The following CDH12 variants were observed in gnomAD, a reference collection of about 807,000 sequenced individuals.
The protein encoded by CDH12 is cadherin 12, also known as cadherin-12.
A neutral mutation model predicts 74.1 loss-of-function variants in CDH12; 41 were observed. That is an observed-to-expected ratio of 0.55 (90% confidence interval 0.43 to 0.72). CDH12 has a LOEUF of 0.72. Among genes scored for constraint, CDH12 ranks in the 30% least tolerant of loss-of-function variants. CDH12 has a pLI of 0.00. For synonymous variants in CDH12, 399 were observed against 355.0 expected, an observed-to-expected ratio of 1.12 and a Z score of -1.39; for missense variants, 945 against 977.2, an observed-to-expected ratio of 0.97 and a Z score of 0.44.
intron 4 of CDH12, among the ~76,000 whole-genome samples, chr5:22,186,040 T>C (rs943536057): frequency 9.9e-5 from 15 of 152,222 alleles, no homozygotes; most frequent in African/African-American, 2.4e-4. Context: ...CCTGACAGAA[T>C]TGCATCTGGG....
chr5:22,430,713 T>C (rs1744134494), intron 2 of CDH12, among the ~76,000 whole-genome samples: 1 of 152,176 alleles, frequency 6.6e-6, no homozygotes, highest in South Asian at 2.1e-4. Flanking sequence ...GTGGCTATTA[T>C]ACAATAGAAA....
chr5:21,826,171 G>A (rs924618624), intron 8 of CDH12, among the ~76,000 whole-genome samples: 2 of 151,950 alleles, frequency 1.3e-5, no homozygotes, highest in Non-Finnish European at 2.9e-5. Context: ...TTTAACTCCA[G>A]CCTATATTCA....
intron 1 of CDH12, among the ~76,000 whole-genome samples, chr5:22,809,391 A>G (rs1376718020): frequency 6.6e-6 from 1 of 151,766 alleles, no homozygotes; most frequent in Non-Finnish European, 1.5e-5. Context: ...TATAAAATAT[A>G]AAATATAGGG....
intron 9 of CDH12, among the ~76,000 whole-genome samples, chr5:21,810,348 T>C (rs1480699416): frequency 6.6e-6 from 1 of 152,086 alleles, no homozygotes; most frequent in Non-Finnish European, 1.5e-5. Flanking sequence ...GAGGGCTGTA[T>C]GGCAAATTCA....
In CDH12 at chr5:22,676,293, A is replaced by T. The variant is rs1398651717; in HGVS notation, c.-522-170929T>A. Among the ~76,000 whole-genome samples the T allele has an allele frequency of 2.6e-5, 4 of 152,314 alleles. No individual in the cohort carries two copies. In the East Asian group the frequency reaches 7.7e-4, roughly 29 times the overall value. ...GCAATATGTTTGCTATTGACAGGAAATTATTAGTTTACAGCCCTAAATATC... is the reference window on the plus strand; with the variant it reads ...GCAATATGTTTGCTATTGACAGGAATTTATTAGTTTACAGCCCTAAATATC... On this transcript the variant is annotated intron_variant, in intron 1 of 14. Transcript: ENST00000382254.
At chr5:22,740,175 C>T (rs1463445477) in intron 1 of CDH12, among the ~76,000 whole-genome samples, 6 of 151,978 alleles carry the variant, frequency 3.9e-5, no homozygotes, top group African/African-American at 7.2e-5. Context: ...TGTAGTCTTA[C>T]GTATTTGGAA....
At chr5:22,073,264 A>C (rs1326974189) in intron 5 of CDH12, among the ~76,000 whole-genome samples, 2 of 152,276 alleles carry the variant, frequency 1.3e-5, no homozygotes, top group African/African-American at 4.8e-5. Flanking sequence ...CCTTTTAAAC[A>C]GTTTAGATTT....
intron 1 of CDH12, among the ~76,000 whole-genome samples, chr5:22,707,756 T>A (rs1219957381): frequency 6.6e-6 from 1 of 152,086 alleles, no homozygotes; most frequent in Non-Finnish European, 1.5e-5. Context: ...AATCAGAAGG[T>A]GGGCTTGAAT....
At chr5:22,606,034 C>A (rs1206525110) in intron 1 of CDH12, among the ~76,000 whole-genome samples, 1 of 152,164 alleles carries the variant, frequency 6.6e-6, no homozygotes, top group African/African-American at 2.4e-5. Flanking sequence ...TGGATACTGT[C>A]CTCCATTATT....
chr5:22,512,978 A>G (rs1247827480), intron 1 of CDH12, among the ~76,000 whole-genome samples: 1 of 152,286 alleles, frequency 6.6e-6, no homozygotes, highest in East Asian at 1.9e-4. Context: ...CGGAGGTTGC[A>G]GTGAGCCGAG....
At chr5:22,034,003 A>G (rs2150176107) in intron 5 of CDH12, among the ~76,000 whole-genome samples, 1 of 152,282 alleles carries the variant, frequency 6.6e-6, no homozygotes, top group East Asian at 1.9e-4. Context: ...TAAGTCTTCA[A>G]TACATATTTA....
At chr5:22,582,072 C>T (rs1740133769) in intron 1 of CDH12, among the ~76,000 whole-genome samples, 1 of 151,948 alleles carries the variant, frequency 6.6e-6, no homozygotes, top group Admixed American at 6.6e-5. Context: ...GTTTGTCTAC[C>T]CTCTGGCCCC....
intron 6 of CDH12, among the ~76,000 whole-genome samples, chr5:21,951,384 G>A (rs528882096): frequency 6.6e-5 from 10 of 151,886 alleles, no homozygotes; most frequent in Non-Finnish European, 1.5e-4. Flanking sequence ...CACCACATAC[G>A]GCTAATTTTT....
intron 1 of CDH12, among the ~76,000 whole-genome samples, chr5:22,616,072 G>A (rs1737673249): frequency 6.6e-6 from 1 of 152,088 alleles, no homozygotes; most frequent in Non-Finnish European, 1.5e-5. Flanking sequence ...TGAGTGCTTG[G>A]TGATTTGCAA....
chr5:22,713,637 G>A (rs548077677), intron 1 of CDH12, among the ~76,000 whole-genome samples: 9 of 151,916 alleles, frequency 5.9e-5, no homozygotes, highest in Admixed American at 3.3e-4. Context: ...GGAGATTGTG[G>A]CATAATAGAT....
At chr5:22,625,035 T>C (rs995189486) in intron 1 of CDH12, among the ~76,000 whole-genome samples, 8 of 152,226 alleles carry the variant, frequency 5.3e-5, no homozygotes, top group Non-Finnish European at 1.0e-4. Context: ...CTAGAAACTA[T>C]CATTCTCAGC....
intron 2 of CDH12, among the ~76,000 whole-genome samples, chr5:22,465,637 C>G (rs577882739): frequency 1.3e-5 from 2 of 152,222 alleles, no homozygotes; most frequent in South Asian, 4.2e-4. Context: ...CAGAGTTAAA[C>G]CCTGTCTCAA....
At chr5:21,788,673 T>TAA (rs1245470083) in intron 10 of CDH12, among the ~76,000 whole-genome samples, 1 of 152,102 alleles carries the variant, frequency 6.6e-6, no homozygotes, top group Admixed American at 6.6e-5. Flanking sequence ...ATCTTTCACT[T>TAA]ACACTTATTA....
intron 2 of CDH12, among the ~76,000 whole-genome samples, chr5:22,497,583 A>G (rs1460118118): frequency 1.3e-5 from 2 of 151,436 alleles, no homozygotes; most frequent in Admixed American, 6.6e-5. Context: ...CTCTGAAAAG[A>G]TAAAACCATC....
Sources: allele counts gnomAD v4.1 joint callset (sites outside exome capture counted in the v4.1 genomes callset), GRCh38; gene constraint gnomAD v4.1.1; transcripts MANE v1.5; gene names NCBI Gene and HGNC (gene_info 2026-07-23, HGNC 2026-07-21).